The following GAREM1 variants were observed in gnomAD, a reference collection of about 807,000 sequenced individuals.
The protein encoded by GAREM1 is GRB2-associated and regulator of MAPK protein 1.
A neutral mutation model predicts 71.3 loss-of-function variants in GAREM1; 26 were observed. The observed-to-expected ratio is 0.36, with a 90% confidence interval of 0.27 to 0.51. GAREM1 has a LOEUF of 0.51. GAREM1 is among the 20% of genes least tolerant of loss of function. The pLI, the probability that GAREM1 is intolerant of heterozygous loss-of-function variation, is 0.95. For missense variants in GAREM1, 1,026 were observed against 1,103.1 expected (o/e 0.93, Z 0.99); for synonymous variants, 440 against 433.2 (o/e 1.02, Z -0.20).
At chr18:32,324,965 A>AT (rs1456873461) in intron 2 of GAREM1, among the ~76,000 whole-genome samples, 17 of 152,062 alleles carry the variant, frequency 1.1e-4, no homozygotes, top group Admixed American at 1.1e-3. Context: ...GAAGTTTTTT[A>AT]TTTTTTAGAC....
intron 4 of GAREM1, among the ~76,000 whole-genome samples, chr18:32,275,678 G>A (rs1216054193): frequency 6.6e-6 from 1 of 152,146 alleles, no homozygotes; most frequent in Admixed American, 6.5e-5. Flanking sequence ...TTCAGAGTAA[G>A]TCTATCTCTT....
chr18:32,401,690 A>G (rs1168718965), intron 1 of GAREM1, among the ~76,000 whole-genome samples: 1 of 152,242 alleles, frequency 6.6e-6, no homozygotes, highest in East Asian at 1.9e-4. Context: ...GAGAAACCAG[A>G]GCCATGGGGC....
rs913533785 is a variant in GAREM1, at chr18:32,449,510, A to G, written c.121+20798T>C. ...GACAACATGGCGAAACCCCATCTCTACAAAACATATATATTTAAAAAAAAT... is the reference window on the plus strand; with the variant it reads ...GACAACATGGCGAAACCCCATCTCTGCAAAACATATATATTTAAAAAAAAT... On this transcript the variant is annotated intron_variant, in intron 1 of 5. Coordinates refer to ENST00000269209, the MANE Select transcript of GAREM1 (RefSeq NM_001242409.2). Among the ~76,000 whole-genome samples the G allele has an allele frequency of 2.0e-5, 3 of 152,090 alleles. No homozygotes were observed. In the East Asian group the frequency reaches 5.8e-4, roughly 29 times the overall value.
chr18:32,434,165 T>C (rs1268852215), intron 1 of GAREM1, among the ~76,000 whole-genome samples: 2 of 152,152 alleles, frequency 1.3e-5, no homozygotes, highest in Non-Finnish European at 2.9e-5. Flanking sequence ...TTTCTCACTG[T>C]TGAAAAAAGA....
intron 3 of GAREM1, among the ~76,000 whole-genome samples, chr18:32,302,743 C>A (rs1256372436): frequency 6.6e-6 from 1 of 152,078 alleles, no homozygotes; most frequent in Admixed American, 6.6e-5. Context: ...AAAGGGTACA[C>A]GTTCCAGGTA....
At chr18:32,396,651 C>G (rs576844190) in intron 1 of GAREM1, among the ~76,000 whole-genome samples, 7 of 152,114 alleles carry the variant, frequency 4.6e-5, no homozygotes, top group Admixed American at 6.6e-5. Context: ...AAATATGGGA[C>G]TATGTGAAAA....
At chr18:32,412,536 T>C (rs2048430430) in intron 1 of GAREM1, 2 of 1,597,216 alleles carry the variant, frequency 1.3e-6, no homozygotes, top group South Asian at 1.1e-5. Context: ...ACCGAAGTTG[T>C]CATTCCCACC....
At chr18:32,361,566 A>C (rs1267508257) in intron 2 of GAREM1, among the ~76,000 whole-genome samples, 2 of 152,186 alleles carry the variant, frequency 1.3e-5, no homozygotes, top group East Asian at 3.8e-4. Context: ...TTACACAGAG[A>C]ATTAGTTTCA....
intron 1 of GAREM1, among the ~76,000 whole-genome samples, chr18:32,460,215 A>G (rs556145270): frequency 6.6e-6 from 1 of 152,178 alleles, no homozygotes; most frequent in South Asian, 2.1e-4. Context: ...CTTCCCAGGG[A>G]CACTTACATA....
At position 32,412,516 on chromosome 18, in the gene GAREM1, T is replaced by C. The variant is rs1160812621; in HGVS notation, c.122-19481A>G. 2.5e-6 allele frequency: 4 copies of C among 1,597,124 alleles called. No homozygotes were observed. The African/African-American group carries it at 5.3e-5, about 21-fold the overall frequency. ...CCAAAGCCACCACGACCACTGAAGT[T>C]TCCTCCATGACCGAAGTTGTCATTC... is the stretch of plus-strand genomic sequence containing the variant. On this transcript the variant is annotated intron_variant, in intron 1 of 5. Coordinates refer to ENST00000269209, the MANE Select transcript of GAREM1 (RefSeq NM_001242409.2).
chr18:32,351,929 T>A (rs570134813), intron 2 of GAREM1, among the ~76,000 whole-genome samples: 4 of 152,208 alleles, frequency 2.6e-5, no homozygotes, highest in Non-Finnish European at 4.4e-5. Context: ...TTGATAGATA[T>A]AAGGAATTAC....
At chr18:32,420,758 A>AAAAAAG (rs2048512623) in intron 1 of GAREM1, among the ~76,000 whole-genome samples, 1 of 151,686 alleles carries the variant, frequency 6.6e-6, no homozygotes, top group Non-Finnish European at 1.5e-5. Context: ...CAAAAATGAA[A>AAAAAAG]AAAAAAAAAA....
chr18:32,278,599 T>C (rs1399515971), intron 4 of GAREM1, among the ~76,000 whole-genome samples: 1 of 152,216 alleles, frequency 6.6e-6, no homozygotes, highest in East Asian at 1.9e-4. Flanking sequence ...ACTTTGTAAC[T>C]TTGCCTTCAC....
At chr18:32,311,982 T>C (rs2047328608) in intron 2 of GAREM1, among the ~76,000 whole-genome samples, 1 of 151,982 alleles carries the variant, frequency 6.6e-6, no homozygotes, top group Non-Finnish European at 1.5e-5. Flanking sequence ...GGCTGGGAAG[T>C]GGTTAAAGTG....
chr18:32,337,490 G>A (rs1176165252), intron 2 of GAREM1, among the ~76,000 whole-genome samples: 4 of 152,114 alleles, frequency 2.6e-5, no homozygotes, highest in Non-Finnish European at 4.4e-5. Context: ...GCTATTACCC[G>A]GCTTATCCAC....
At chr18:32,354,330 A>G (rs1237751602) in intron 2 of GAREM1, among the ~76,000 whole-genome samples, 1 of 152,194 alleles carries the variant, frequency 6.6e-6, no homozygotes, top group African/African-American at 2.4e-5. Context: ...TATATAATAT[A>G]TTGGATTTCA....
intron 2 of GAREM1, among the ~76,000 whole-genome samples, chr18:32,379,148 A>G (rs138931359): frequency 7.2e-5 from 11 of 152,182 alleles, no homozygotes; most frequent in African/African-American, 1.9e-4. Context: ...ATTAAATGAG[A>G]TAACAGCAGT....
chr18:32,440,665 C>T (rs537500337), intron 1 of GAREM1, among the ~76,000 whole-genome samples: 3 of 152,164 alleles, frequency 2.0e-5, no homozygotes, highest in Non-Finnish European at 4.4e-5. Flanking sequence ...ATTGCCTGTG[C>T]ATACCCATAG....
intron 2 of GAREM1, among the ~76,000 whole-genome samples, chr18:32,330,750 C>T (rs1443142217): frequency 3.3e-5 from 5 of 152,058 alleles, no homozygotes; most frequent in Non-Finnish European, 7.4e-5. Context: ...AAAATCTTCC[C>T]CACGCTTTTA....
Sources: gnomAD v4.1 joint callset for allele counts (sites outside exome capture counted in the v4.1 genomes callset) on GRCh38, gnomAD v4.1.1 for gene constraint, MANE v1.5 for transcripts, NCBI Gene and HGNC (gene_info 2026-07-23, HGNC 2026-07-21) for gene names.